Variants in GRID1 observed in about 807,000 individuals in gnomAD.
The protein encoded by GRID1 is glutamate ionotropic receptor delta type subunit 1.
Under a neutral mutation model 98.0 loss-of-function variants are expected in GRID1, and 28 were observed. The ratio of observed to expected loss-of-function variants is 0.29; its 90% CI spans 0.21 to 0.39. The LOEUF (loss-of-function observed/expected upper bound fraction) is 0.39, where lower values mean the gene tolerates loss of function less well. Among genes scored for constraint, GRID1 ranks in the 10% least tolerant of loss-of-function variants. The pLI is 1.00. For synonymous variants in GRID1, 553 were observed against 538.5 expected, an observed-to-expected ratio of 1.03 and a Z score of -0.37; for missense variants, 1,111 against 1,340.5, an observed-to-expected ratio of 0.83 and a Z score of 2.67.
At chr10:85,967,502 T>C (rs1842352496) in intron 4 of GRID1, among the ~76,000 whole-genome samples, 1 of 152,222 alleles carries the variant, frequency 6.6e-6, no homozygotes, top group African/African-American at 2.4e-5. Context: ...AATTGTCCCA[T>C]GGGGGACAGT....
At chr10:86,043,264 C>T (rs967860999) in intron 4 of GRID1, among the ~76,000 whole-genome samples, 2 of 152,206 alleles carry the variant, frequency 1.3e-5, no homozygotes, top group Non-Finnish European at 2.9e-5. Context: ...TCTACCAGCC[C>T]TTGTCCTCCA....
At chr10:85,871,288 G>A (rs1373860977) in intron 5 of GRID1, among the ~76,000 whole-genome samples, 1 of 152,194 alleles carries the variant, frequency 6.6e-6, no homozygotes, top group Non-Finnish European at 1.5e-5. Flanking sequence ...TTTCTTGAAT[G>A]CTGTACTGAC....
intron 10 of GRID1, among the ~76,000 whole-genome samples, chr10:85,725,507 C>G (rs560119895): frequency 6.6e-6 from 1 of 152,230 alleles, no homozygotes; most frequent in Admixed American, 6.5e-5. Context: ...AGAAAACTGC[C>G]AAGTTTGGGG....
chr10:85,830,904 G>A (rs1047987164), intron 8 of GRID1, among the ~76,000 whole-genome samples: 6 of 152,042 alleles, frequency 3.9e-5, no homozygotes, highest in African/African-American at 7.2e-5. Context: ...GTAGTGTGGC[G>A]ACTTCTCAAA....
chr10:86,246,689 C>G (rs925716662), intron 2 of GRID1, among the ~76,000 whole-genome samples: 2 of 152,076 alleles, frequency 1.3e-5, no homozygotes, highest in Non-Finnish European at 2.9e-5. Context: ...TGCACAAGAA[C>G]CCCCTCTTGT....
At chr10:85,631,208 A>G (rs929514885) in intron 13 of GRID1, among the ~76,000 whole-genome samples, 4 of 152,176 alleles carry the variant, frequency 2.6e-5, no homozygotes, top group African/African-American at 9.7e-5. Context: ...AGAATTTGCT[A>G]TTGGCAGAGC....
chr10:86,338,788 C>T (rs959234733), intron 2 of GRID1, among the ~76,000 whole-genome samples: 1 of 152,138 alleles, frequency 6.6e-6, no homozygotes, highest in Non-Finnish European at 1.5e-5. Flanking sequence ...GAACTCCTGA[C>T]CTCAAGTGAT....
intron 3 of GRID1, among the ~76,000 whole-genome samples, chr10:86,180,604 C>A (rs1845641576): frequency 6.6e-6 from 1 of 152,256 alleles, no homozygotes; most frequent in Non-Finnish European, 1.5e-5. Context: ...CTTTAAAGAA[C>A]AAAACCCAAG....
chr10:85,838,315 C>A (rs1037733813), intron 8 of GRID1, among the ~76,000 whole-genome samples: 15 of 152,106 alleles, frequency 9.9e-5, no homozygotes, highest in South Asian at 2.1e-4. Flanking sequence ...TAGAGAACCC[C>A]AGTCAGATAG....
At chr10:85,728,806 T>A (rs74148741) in intron 9 of GRID1, among the ~76,000 whole-genome samples, 2 of 152,148 alleles carry the variant, frequency 1.3e-5, no homozygotes, top group African/African-American at 4.8e-5. Flanking sequence ...AAAGCTTATC[T>A]GTGGTGTGCA....
intron 4 of GRID1, among the ~76,000 whole-genome samples, chr10:86,084,473 C>T (rs559795462): frequency 5.9e-5 from 9 of 152,220 alleles, no homozygotes; most frequent in East Asian, 3.9e-4. Context: ...GAAAACAGTA[C>T]GGCAATTCCT....
intron 8 of GRID1, among the ~76,000 whole-genome samples, chr10:85,831,818 T>G (rs1842869910): frequency 6.6e-6 from 1 of 152,000 alleles, no homozygotes; most frequent in African/African-American, 2.4e-5. Context: ...AAAACAGTAC[T>G]GTAAAGTAAA....
chr10:86,351,631 C>T (rs1433957474), intron 2 of GRID1, among the ~76,000 whole-genome samples: 2 of 152,166 alleles, frequency 1.3e-5, no homozygotes, highest in East Asian at 1.9e-4. Flanking sequence ...TGATGCACCC[C>T]CTTCTCTTGG....
At chr10:86,029,585 A>G (rs1210590944) in intron 4 of GRID1, among the ~76,000 whole-genome samples, 1 of 152,244 alleles carries the variant, frequency 6.6e-6, no homozygotes, top group Admixed American at 6.5e-5. Context: ...AGGACTGGAG[A>G]GAGAAATTAT....
At chr10:86,228,717 A>G (rs12569937) in intron 2 of GRID1, among the ~76,000 whole-genome samples, 43,201 of 152,070 alleles carry the variant, frequency 0.28, 6,994 homozygotes, top group Non-Finnish European at 0.38. Flanking sequence ...CAGAGCTTGG[A>G]GACACCAAGA....
chr10:86,338,437 G>A (rs1015796924), intron 2 of GRID1, among the ~76,000 whole-genome samples: 1 of 152,182 alleles, frequency 6.6e-6, no homozygotes, highest in Non-Finnish European at 1.5e-5. Flanking sequence ...AATCCAGCCT[G>A]CCCTGAATCC....
chr10:85,880,134 C>T (rs1840983623), intron 5 of GRID1, among the ~76,000 whole-genome samples: 1 of 152,150 alleles, frequency 6.6e-6, no homozygotes, highest in Non-Finnish European at 1.5e-5. Flanking sequence ...TAATCAATAG[C>T]TTACCAACCA....
intron 8 of GRID1, among the ~76,000 whole-genome samples, chr10:85,799,333 T>C (rs1188446189): frequency 6.6e-6 from 1 of 152,096 alleles, no homozygotes; most frequent in Admixed American, 6.6e-5. Flanking sequence ...GGATCTTTTG[T>C]AGCTCCATAC....
chr10:86,162,813 C>T (rs1589393224), intron 3 of GRID1, among the ~76,000 whole-genome samples: 1 of 152,110 alleles, frequency 6.6e-6, no homozygotes, highest in Admixed American at 6.5e-5. Flanking sequence ...CAGAGAGAAC[C>T]TTCTGGGTCA....
Sources: gnomAD v4.1 joint callset for allele counts (sites outside exome capture counted in the v4.1 genomes callset) on GRCh38, gnomAD v4.1.1 for gene constraint, MANE v1.5 for transcripts, NCBI Gene and HGNC (gene_info 2026-07-23, HGNC 2026-07-21) for gene names.